SORCS3: variants seen among roughly 807,000 people sequenced by gnomAD.
SORCS3 encodes the protein sortilin related VPS10 domain containing receptor 3.
Under a neutral mutation model 146.3 loss-of-function variants are expected in SORCS3, and 57 were observed. The ratio of observed to expected loss-of-function variants is 0.39; its 90% CI spans 0.31 to 0.49. SORCS3 has a LOEUF of 0.49. SORCS3 is among the 20% of genes least tolerant of loss of function. The pLI is 0.92. For missense variants in SORCS3, 1,341 were observed against 1,575.5 expected (o/e 0.85, Z 2.52); for synonymous variants, 653 against 618.5 (o/e 1.06, Z -0.83).
chr10:104,966,399 A>C (rs2054826518), intron 3 of SORCS3, among the ~76,000 whole-genome samples: 1 of 152,174 alleles, frequency 6.6e-6, no homozygotes, highest in African/African-American at 2.4e-5. Flanking sequence ...ATACTCTAAG[A>C]GCTCATATTG....
At chr10:105,058,569 A>C (rs1483329108) in intron 5 of SORCS3, among the ~76,000 whole-genome samples, 1 of 152,210 alleles carries the variant, frequency 6.6e-6, no homozygotes, top group Non-Finnish European at 1.5e-5. Context: ...AGCTGAAAGA[A>C]ACTCAACAGG....
intron 20 of SORCS3, among the ~76,000 whole-genome samples, chr10:105,238,226 G>A (rs574695031): frequency 6.6e-6 from 1 of 152,202 alleles, no homozygotes; most frequent in Non-Finnish European, 1.5e-5. Flanking sequence ...TTAAGAGCCT[G>A]TCGTTTGTGC....
chr10:105,120,326 A>G (rs949658464), intron 7 of SORCS3, among the ~76,000 whole-genome samples: 1 of 152,116 alleles, frequency 6.6e-6, no homozygotes. Flanking sequence ...TCCTTTCTTA[A>G]GAAGTTTAAT....
intron 3 of SORCS3, among the ~76,000 whole-genome samples, chr10:104,963,365 A>G (rs1194474984): frequency 6.6e-6 from 1 of 152,146 alleles, no homozygotes; most frequent in Non-Finnish European, 1.5e-5. Context: ...TCAGTAGCCA[A>G]TTCTCAGTAC....
At chr10:104,791,102 A>C (rs1044646997) in intron 1 of SORCS3, among the ~76,000 whole-genome samples, 3 of 152,168 alleles carry the variant, frequency 2.0e-5, no homozygotes, top group Non-Finnish European at 4.4e-5. Context: ...TGGGAATGCA[A>C]CTTCCAGGGT....
chr10:104,644,899 G>T (rs2015473146), intron 1 of SORCS3, among the ~76,000 whole-genome samples: 1 of 152,172 alleles, frequency 6.6e-6, no homozygotes, highest in Non-Finnish European at 1.5e-5. Flanking sequence ...TTACAGTCAG[G>T]GATGCAGGGT....
intron 4 of SORCS3, among the ~76,000 whole-genome samples, chr10:105,005,558 G>A (rs1312709397): frequency 1.3e-5 from 2 of 152,038 alleles, no homozygotes; most frequent in African/African-American, 4.8e-5. Context: ...ATAATAGCAG[G>A]GGTAGAATTA....
At position 105,117,310 on chromosome 10, in the gene SORCS3, C is replaced by G. The variant is rs903325835; in HGVS notation, c.1212+11795C>G. 2.6e-5 allele frequency among the ~76,000 whole-genome samples: 4 copies of G among 152,266 alleles called. No individual in the cohort carries two copies. In the East Asian group the frequency reaches 7.7e-4, roughly 29 times the overall value. ...ATAAAAGTCCTTGACTCAGGCTTTA[C>G]TTTTGGGGGTAACTTAATGCAAGGC... is the stretch of plus-strand genomic sequence containing the variant. On this transcript the variant is annotated intron_variant, in intron 7 of 26. Coordinates refer to ENST00000369701, the MANE Select transcript of SORCS3 (RefSeq NM_014978.3).
intron 1 of SORCS3, among the ~76,000 whole-genome samples, chr10:104,783,527 A>G (rs1200981700): frequency 6.6e-6 from 1 of 152,186 alleles, no homozygotes; most frequent in Admixed American, 6.5e-5. Flanking sequence ...TGAGGTCAGT[A>G]GTTCAGCCTG....
chr10:105,135,366 C>A lies in SORCS3; in HGVS notation c.1213-4031C>A, dbSNP rs2056052194. On this transcript the variant is annotated intron_variant, in intron 7 of 26. Coordinates refer to ENST00000369701, the MANE Select transcript of SORCS3 (RefSeq NM_014978.3). The stretch of plus-strand genomic sequence containing the variant: ...GTTTTCCCCTCAAGGCCCTGGCACT[C>A]TGGGCCTGTGATGAGCATGGCAGCC... 2.0e-5 allele frequency among the ~76,000 whole-genome samples: 3 copies of A among 152,166 alleles called. No homozygotes were observed. In the South Asian group the frequency reaches 6.2e-4, roughly 32 times the overall value.
intron 2 of SORCS3, among the ~76,000 whole-genome samples, chr10:104,857,909 G>A (rs1027767325): frequency 3.3e-5 from 5 of 152,158 alleles, no homozygotes; most frequent in Non-Finnish European, 7.4e-5. Flanking sequence ...GGATCTGGGC[G>A]GTCGGTAGGG....
chr10:104,970,085 T>C (rs1047807782), intron 3 of SORCS3, among the ~76,000 whole-genome samples: 12 of 152,206 alleles, frequency 7.9e-5, no homozygotes, highest in African/African-American at 2.9e-4. Flanking sequence ...CTTCATTGCC[T>C]GTTCTGTAGA....
At chr10:104,765,675 A>G (rs1023851023) in intron 1 of SORCS3, among the ~76,000 whole-genome samples, 2 of 152,202 alleles carry the variant, frequency 1.3e-5, no homozygotes, top group African/African-American at 4.8e-5. Flanking sequence ...TTGGATGGGG[A>G]GAAATAACAA....
chr10:105,016,308 G>A (rs544807205), intron 4 of SORCS3, among the ~76,000 whole-genome samples: 181 of 150,650 alleles, frequency 1.2e-3, no homozygotes, highest in Non-Finnish European at 2.2e-3. Flanking sequence ...ACACCACCAC[G>A]CCCAGCTAAT....
chr10:105,072,013 T>TC (rs1459185308), intron 5 of SORCS3, among the ~76,000 whole-genome samples: 1 of 152,192 alleles, frequency 6.6e-6, no homozygotes, highest in East Asian at 1.9e-4. Context: ...AAGAGCAGCC[T>TC]CTGAATTCAT....
At chr10:104,908,315 C>A (rs924805656) in intron 2 of SORCS3, among the ~76,000 whole-genome samples, 1 of 152,178 alleles carries the variant, frequency 6.6e-6, no homozygotes. Context: ...TATTGGGTAT[C>A]CGTGTGCCTC....
chr10:104,844,471 T>A (rs1227147843), intron 2 of SORCS3, among the ~76,000 whole-genome samples: 1 of 152,204 alleles, frequency 6.6e-6, no homozygotes, highest in African/African-American at 2.4e-5. Flanking sequence ...AGTTGCTTAA[T>A]GCTAGAGGCC....
chr10:104,761,338 C>T (rs2017119940), intron 1 of SORCS3, among the ~76,000 whole-genome samples: 1 of 152,096 alleles, frequency 6.6e-6, no homozygotes, highest in African/African-American at 2.4e-5. Context: ...TTTCTTGCCT[C>T]TTCTCGCTCC....
chr10:104,719,042 T>G (rs530089714), intron 1 of SORCS3, among the ~76,000 whole-genome samples: 1 of 152,278 alleles, frequency 6.6e-6, no homozygotes, highest in South Asian at 2.1e-4. Flanking sequence ...TTTAATTTAT[T>G]CAATATATCC....
Sources: allele counts gnomAD v4.1 joint callset (sites outside exome capture counted in the v4.1 genomes callset), GRCh38; gene constraint gnomAD v4.1.1; transcripts MANE v1.5; gene names NCBI Gene and HGNC (gene_info 2026-07-23, HGNC 2026-07-21).